MGST1: variants seen among roughly 807,000 people sequenced by gnomAD.
The protein encoded by MGST1 is microsomal glutathione S-transferase 1, also known as glutathione S-transferase 12.
Under a neutral mutation model 8.9 loss-of-function variants are expected in MGST1, and 5 were observed. That is an observed-to-expected ratio of 0.56 (90% confidence interval 0.29 to 1.19). The LOEUF is 1.19. Ranked by LOEUF, MGST1 falls within the 50% of genes most tolerant of loss-of-function variation. MGST1 has a pLI of 0.08. For synonymous variants in MGST1, 54 were observed against 67.8 expected (o/e 0.80, Z 1.00); for missense variants, 182 against 187.4 (o/e 0.97, Z 0.17).
At chr12:16,381,500 G>A (rs1195550749), downstream of MGST1, among the ~76,000 whole-genome samples, 8 of 152,128 alleles carry the variant, frequency 5.3e-5, no homozygotes, top group African/African-American at 1.4e-4. Context: ...AGTTTCTGCC[G>A]AGAGATCAGC....
chr12:16,350,157 C>G (rs1348343239), intron 1 of MGST1, among the ~76,000 whole-genome samples: 1 of 152,050 alleles, frequency 6.6e-6, no homozygotes, highest in Non-Finnish European at 1.5e-5. Context: ...TTAAGTTACA[C>G]TTACTAAGTG....
rs10846350 is a variant in MGST1, at chr12:16,387,621, C to T, written n.778+4017C>T. 4.6e-5 allele frequency among the ~76,000 whole-genome samples: 7 copies of T among 151,228 alleles called. 1 individual carries two copies. Among genetic ancestry groups the T allele is most frequent in the Non-Finnish European group, 7.4e-5 (5 of 67,964 alleles). ...GGCTCACTGCAAGCTCCGCCTCCCA[C>T]GTTCACGCCATTCTCCTGCCTCAGC... On this transcript the variant is annotated intron_variant and non_coding_transcript_variant, in intron 1 of 1. Transcript: ENST00000359720.
chr12:16,407,847 C>A (rs547077679), intron 1 of MGST1, among the ~76,000 whole-genome samples: 12 of 151,862 alleles, frequency 7.9e-5, no homozygotes, highest in East Asian at 3.9e-4. Context: ...TCCTGGCCAA[C>A]GTGGTGAAAC....
intron 4 of MGST1, among the ~76,000 whole-genome samples, chr12:16,583,062 A>AG (rs1419350777): frequency 5.9e-5 from 9 of 151,452 alleles, no homozygotes; most frequent in Admixed American, 5.9e-4. Context: ...AAAAAAAAAA[A>AG]AAAATCTAAA....
intron 4 of MGST1, among the ~76,000 whole-genome samples, chr12:16,554,833 AT>A (rs1177587597): frequency 1.3e-5 from 2 of 151,378 alleles, no homozygotes; most frequent in African/African-American, 4.9e-5. Context: ...ATTTTTTTGT[AT>A]TTTTTAGTAG....
intron 4 of MGST1, among the ~76,000 whole-genome samples, chr12:16,568,035 T>A (rs542142174): frequency 7.4e-4 from 112 of 152,160 alleles, no homozygotes; most frequent in Non-Finnish European, 1.3e-3. Context: ...TTTTTTGGAA[T>A]TCTTGAGATC....
At chr12:16,466,956 T>C (rs1470340304) in intron 4 of MGST1, among the ~76,000 whole-genome samples, 1 of 152,192 alleles carries the variant, frequency 6.6e-6, no homozygotes, top group East Asian at 1.9e-4. Flanking sequence ...AAAGGCAGTC[T>C]GACCCCGAGA....
At chr12:16,435,549 T>C (rs1378311769) in intron 1 of MGST1, among the ~76,000 whole-genome samples, 1 of 152,002 alleles carries the variant, frequency 6.6e-6, no homozygotes, top group Admixed American at 6.6e-5. Context: ...ATTTTTCCTT[T>C]GTCATCATTC....
At chr12:16,431,974 C>T (rs967081512) in intron 1 of MGST1, among the ~76,000 whole-genome samples, 9 of 152,130 alleles carry the variant, frequency 5.9e-5, no homozygotes, top group African/African-American at 2.2e-4. Flanking sequence ...TTTATAAAAT[C>T]TCTTCTTTAA....
intron 4 of MGST1, among the ~76,000 whole-genome samples, chr12:16,460,752 G>T (rs1022767354): frequency 6.6e-6 from 1 of 151,964 alleles, no homozygotes; most frequent in Non-Finnish European, 1.5e-5. Context: ...TTAAAAACAG[G>T]TAGTTATTGA....
intron 4 of MGST1, among the ~76,000 whole-genome samples, chr12:16,471,321 TTGCGGGG>T (rs1254727323): frequency 6.6e-6 from 1 of 152,260 alleles, no homozygotes; most frequent in Non-Finnish European, 1.5e-5. Context: ...ACAACCCATT[TTGCGGGG>T]AATAATTATT....
In MGST1 at chr12:16,535,568, G is replaced by A. The variant is rs762447104; in HGVS notation, n.483-53960G>A. Among the ~76,000 whole-genome samples the A allele has an allele frequency of 4.3e-4, 66 of 152,118 alleles. 1 individual carries two copies. The highest frequency in any genetic ancestry group is 7.4e-4 in the Non-Finnish European group (50 of 68,026). ...ATGGGGATTCCCCAGTTACATGCAGGAAAATACTTATGGTCTATAGTGGAA... is the reference window on the plus strand; with the variant it reads ...ATGGGGATTCCCCAGTTACATGCAGAAAAATACTTATGGTCTATAGTGGAA... On this transcript the variant is annotated intron_variant and non_coding_transcript_variant, in intron 4 of 4. Transcript: ENST00000538857.
intron 4 of MGST1, among the ~76,000 whole-genome samples, chr12:16,505,652 A>G (rs10846370): frequency 0.18 from 27,682 of 151,916 alleles, 2,646 homozygotes; most frequent in Middle Eastern, 0.35. Context: ...CCCTCTTCAC[A>G]TGTTTTTTTA....
chr12:16,428,961 A>G (rs569399922), intron 1 of MGST1, among the ~76,000 whole-genome samples: 230 of 152,036 alleles, frequency 1.5e-3, no homozygotes, highest in African/African-American at 5.4e-3. Flanking sequence ...TTCCTTCTCA[A>G]CTGGGCTAAT....
At chr12:16,451,093 A>G (rs1012580625) in intron 4 of MGST1, among the ~76,000 whole-genome samples, 2 of 152,014 alleles carry the variant, frequency 1.3e-5, no homozygotes, top group Non-Finnish European at 2.9e-5. Flanking sequence ...AGCAGTCAAC[A>G]GATGTATAAG....
chr12:16,400,502 CCTT>C (rs980395180), intron 1 of MGST1: 9 of 814,302 alleles, frequency 1.1e-5, no homozygotes, highest in Non-Finnish European at 1.8e-5. Flanking sequence ...ACAATGCCCT[CCTT>C]CTCTTTCTCT....
intron 1 of MGST1, among the ~76,000 whole-genome samples, chr12:16,435,803 T>A (rs1241340844): frequency 2.0e-5 from 3 of 151,966 alleles, no homozygotes; most frequent in Non-Finnish European, 4.4e-5. Flanking sequence ...TTGTTTATTA[T>A]CTTATAATAA....
downstream of MGST1, among the ~76,000 whole-genome samples, chr12:16,380,467 T>A (rs529883598): frequency 4.2e-4 from 64 of 152,324 alleles, no homozygotes; most frequent in African/African-American, 1.5e-3. Context: ...TGAGTTTTTT[T>A]AATCCTGAGT....
chr12:16,491,623 G>GT (rs1028890911), intron 4 of MGST1, among the ~76,000 whole-genome samples: 2 of 152,048 alleles, frequency 1.3e-5, no homozygotes, highest in African/African-American at 4.8e-5. Flanking sequence ...CTGAATAAAT[G>GT]TAAGTACTTT....
Sources: allele counts gnomAD v4.1 joint callset (sites outside exome capture counted in the v4.1 genomes callset), GRCh38; gene constraint gnomAD v4.1.1; transcripts MANE v1.5; gene names NCBI Gene and HGNC (gene_info 2026-07-23, HGNC 2026-07-21).